Variants in PPP2R5C observed in about 807,000 individuals in gnomAD.
PPP2R5C encodes protein phosphatase 2 regulatory subunit B'gamma, also known as serine/threonine-protein phosphatase 2A 56 kDa regulatory subunit gamma isoform.
Under a neutral mutation model 68.9 loss-of-function variants are expected in PPP2R5C, and 7 were observed. The ratio of observed to expected loss-of-function variants is 0.10; its 90% CI spans 0.06 to 0.19. PPP2R5C has a LOEUF of 0.19. PPP2R5C is among the 10% of genes least tolerant of loss of function. PPP2R5C has a pLI of 1.00. For synonymous variants in PPP2R5C, 210 were observed against 222.2 expected (o/e 0.95, Z 0.49); for missense variants, 348 against 641.3 (o/e 0.54, Z 4.94).
chr14:101,916,233 G>C lies in PPP2R5C; in HGVS notation c.1327-1598G>C, dbSNP rs747646492. ...ATGTGTGGAGATCGTGGTGCTGGGC[G>C]GAGCTGTGGGAGTGAAGGCACAGGG... On this transcript the variant is annotated intron_variant, in intron 12 of 13. Transcript: ENST00000334743. This position sits in a 1 kb window ranked among gnomAD's most constrained non-coding sequence, Gnocchi z 5.5. 6.6e-6 allele frequency among the ~76,000 whole-genome samples: 1 copy of C among 152,140 alleles called. No individual in the cohort carries two copies. The highest frequency in any genetic ancestry group is 1.5e-5 in the Non-Finnish European group (1 of 68,014).
At chr14:101,836,504 C>A in intron 1 of PPP2R5C, 1 of 593,882 alleles carries the variant, frequency 1.7e-6, no homozygotes, top group Non-Finnish European at 3.0e-6. Context: ...CCAGGATCTG[C>A]AGATAGTTCT....
chr14:101,799,557 C>T (rs960852479), intron 3 of PPP2R5C, among the ~76,000 whole-genome samples: 3 of 152,184 alleles, frequency 2.0e-5, no homozygotes, highest in African/African-American at 7.2e-5. Flanking sequence ...TGGCCCAGTG[C>T]GAGTGACATG....
intron 1 of PPP2R5C, among the ~76,000 whole-genome samples, chr14:101,832,744 C>T (rs2040823840): frequency 6.6e-6 from 1 of 152,136 alleles, no homozygotes; most frequent in Non-Finnish European, 1.5e-5. Flanking sequence ...ACTCCAGCAG[C>T]GTGAGTGACC....
intron 1 of PPP2R5C, among the ~76,000 whole-genome samples, chr14:101,827,394 G>A (rs1323228799): frequency 1.3e-5 from 2 of 152,176 alleles, no homozygotes; most frequent in Non-Finnish European, 2.9e-5. Flanking sequence ...AAAAGGCCAA[G>A]TTAGGGAGAA....
exon 14 of PPP2R5C, chr14:101,925,291 G>A (rs372065291): frequency 7.8e-5 from 126 of 1,610,502 alleles, no homozygotes; most frequent in Admixed American, 1.3e-4. Context: ...GCGCCGCGTC[G>A]GGGCCGGGCC....
chr14:101,790,400 G>A (rs944244981), intron 3 of PPP2R5C, among the ~76,000 whole-genome samples: 7 of 152,088 alleles, frequency 4.6e-5, no homozygotes, highest in African/African-American at 1.4e-4. Flanking sequence ...AAGTTACCTC[G>A]TGCCATTCAC....
chr14:101,834,732 G>A lies in PPP2R5C; in HGVS notation c.95-21954G>A, dbSNP rs1383349312. Reference sequence around the variant, plus strand: ...TTATCAGGAGTCTGGATGGGGATGAGAGGAGGGGATCTTTATTACATGCTG... The same window carrying A: ...TTATCAGGAGTCTGGATGGGGATGAAAGGAGGGGATCTTTATTACATGCTG... On this transcript the variant is annotated intron_variant, in intron 1 of 13. Coordinates refer to ENST00000334743, the Ensembl canonical transcript of PPP2R5C. 2.0e-5 allele frequency among the ~76,000 whole-genome samples: 3 copies of A among 152,260 alleles called. No individual in the cohort carries two copies. The East Asian group carries it at 5.8e-4, about 29-fold the overall frequency.
intron 13 of PPP2R5C, among the ~76,000 whole-genome samples, chr14:101,921,746 G>C (rs2047017209): frequency 6.6e-6 from 1 of 152,142 alleles, no homozygotes; most frequent in Admixed American, 6.5e-5. Flanking sequence ...AGGGAGAGGT[G>C]TGAGAGGTAG....
chr14:101,908,837 T>C (rs559393666), intron 10 of PPP2R5C, among the ~76,000 whole-genome samples: 1 of 152,240 alleles, frequency 6.6e-6, no homozygotes, highest in Non-Finnish European at 1.5e-5. Flanking sequence ...TTAAGTGTTT[T>C]CTAAGTACAA....
chr14:101,796,609 T>C (rs1434271734), intron 3 of PPP2R5C: 1 of 156,016 alleles, frequency 6.4e-6, no homozygotes, highest in African/African-American at 2.4e-5. Context: ...GGGGAGCCCG[T>C]TGCCTGTCAG....
chr14:101,806,924 T>C (rs1242065280), upstream of PPP2R5C, among the ~76,000 whole-genome samples: 3 of 152,174 alleles, frequency 2.0e-5, no homozygotes, highest in South Asian at 6.2e-4. Context: ...ATCATACCAC[T>C]TCCCTCCAGC....
intron 1 of PPP2R5C, among the ~76,000 whole-genome samples, chr14:101,822,058 A>ACC (rs200849159): frequency 4.3e-4 from 59 of 137,728 alleles, no homozygotes; most frequent in African/African-American, 1.5e-3. Flanking sequence ...TAATGTAGTG[A>ACC]CCCCACCACC....
rs1489929454 is a variant in PPP2R5C, at chr14:101,761,934, CG to C, written c.27+16del. The C allele has an allele frequency of 3.4e-6, 4 of 1,189,888 alleles. No individual in the cohort carries two copies. In the African/African-American group the frequency reaches 6.5e-5, roughly 19 times the overall value. 73.7% of individuals were successfully genotyped at this position (1,189,888 alleles called of 1,614,324 possible). On this transcript the variant is annotated intron_variant, in intron 1 of 14. Transcript: ENST00000328724. ...AAGAAGGAGAAAGTGAGTCCGGGCC[CG>C]GCCGCGGGACGGAGGGAGCAGGGAG...
At chr14:101,815,161 T>C (rs2039581761) in intron 1 of PPP2R5C, among the ~76,000 whole-genome samples, 1 of 151,842 alleles carries the variant, frequency 6.6e-6, no homozygotes, top group Admixed American at 6.6e-5. Flanking sequence ...GCCTTTTTTG[T>C]CCCCCCGGGA....
intron 1 of PPP2R5C, among the ~76,000 whole-genome samples, chr14:101,839,725 C>G (rs2896431): frequency 0.24 from 36,317 of 152,184 alleles, 5,177 homozygotes; most frequent in African/African-American, 0.4. Context: ...ACCATGAGAA[C>G]CCTGACTTGA....
At chr14:101,829,721 C>T (rs1026333634) in intron 1 of PPP2R5C, among the ~76,000 whole-genome samples, 11 of 152,272 alleles carry the variant, frequency 7.2e-5, no homozygotes, top group Admixed American at 4.6e-4. Flanking sequence ...CTGATTACAG[C>T]GGGAGCAGGC....
chr14:101,925,344 G>A, exon 14 of PPP2R5C: 1 of 1,574,722 alleles, frequency 6.4e-7, no homozygotes. Context: ...CATACTTCCT[G>A]TGCCATACCA....
chr14:101,869,535 TCCC>T (rs1229471184), intron 2 of PPP2R5C, among the ~76,000 whole-genome samples: 1 of 152,212 alleles, frequency 6.6e-6, no homozygotes, highest in Admixed American at 6.5e-5. Flanking sequence ...CCCGTGTGAT[TCCC>T]CCAACAGTGC....
At chr14:101,762,962 G>C (rs1317409843) in exon 2 of PPP2R5C, 12 of 1,574,584 alleles carry the variant, frequency 7.6e-6, no homozygotes, top group Non-Finnish European at 1.0e-5. Context: ...AGACACAGTA[G>C]AATCAGAGGT....
Sources: gnomAD v4.1 joint callset for allele counts (sites outside exome capture counted in the v4.1 genomes callset) on GRCh38, gnomAD v4.1.1 for gene constraint, Gnocchi (gnomAD v3.1) non-coding constraint, MANE v1.5 for transcripts, NCBI Gene and HGNC (gene_info 2026-07-23, HGNC 2026-07-21) for gene names.